The following SAMD3 variants were observed in gnomAD, a reference collection of about 807,000 sequenced individuals.
SAMD3 encodes the protein sterile alpha motif domain containing 3.
A neutral mutation model predicts 58.5 loss-of-function variants in SAMD3; 63 were observed. That is an observed-to-expected ratio of 1.08 (90% CI 0.88 to 1.33). The LOEUF (loss-of-function observed/expected upper bound fraction) is 1.33. Ranked by LOEUF, SAMD3 falls within the 40% of genes most tolerant of loss-of-function variation. The pLI, the probability that SAMD3 is intolerant of heterozygous loss-of-function variation, is 0.00. For missense variants in SAMD3, 604 were observed against 608.4 expected (o/e 0.99, Z 0.08); for synonymous variants, 220 against 210.3 (o/e 1.05, Z -0.40).
In SAMD3 at chr6:130,154,928, T is replaced by C. The variant is rs1328708489; in HGVS notation, c.920A>G (p.Lys307Arg). The C allele has an allele frequency of 1.9e-6, 3 of 1,613,616 alleles. No homozygotes were observed. The highest frequency in any genetic ancestry group is 2.5e-6 in the Non-Finnish European group (3 of 1,179,768). The stretch of plus-strand genomic sequence containing the variant: ...TATTTCCAAAGTTTGGCTCATTCTC[T>C]TGTCAATTTCTCTCCAGTCCTTTTC... ...KTEKDWREID[K>R]RMSQTLEIRR... Residue 307 changes from lysine to arginine, a missense_variant, in exon 9 of 12, where the codon AAG becomes AGG. Lys to Arg is a conservative substitution (Grantham distance 26). Coordinates refer to ENST00000439090, the MANE Select transcript of SAMD3 (RefSeq NM_001017373.4).
Position 130,184,431 on chromosome 6 carries a change from C to G in SAMD3, c.569+7G>C, listed in dbSNP as rs774007718. 6.1e-5 allele frequency: 98 copies of G among 1,612,158 alleles called. No homozygotes were observed. The highest frequency in any genetic ancestry group is 8.1e-5 in the Non-Finnish European group (95 of 1,178,912). On this transcript the variant is annotated splice_region_variant and intron_variant, in intron 6 of 11. Coordinates refer to ENST00000439090, the MANE Select transcript of SAMD3 (RefSeq NM_001017373.4). The stretch of plus-strand genomic sequence containing the variant: ...CAAAGCAGCAAGCTTGTCCTGTTGT[C>G]ACTCACAGTGAGCCTTCCAGATACT...
chr6:130,238,232 G>A (rs1295011221), intron 2 of SAMD3, among the ~76,000 whole-genome samples: 1 of 152,148 alleles, frequency 6.6e-6, no homozygotes, highest in East Asian at 1.9e-4. Flanking sequence ...ATAGTCTTAT[G>A]ACTGGGGATT....
chr6:130,213,004 C>T (rs913882203), intron 4 of SAMD3, among the ~76,000 whole-genome samples: 1 of 152,092 alleles, frequency 6.6e-6, no homozygotes, highest in Non-Finnish European at 1.5e-5. Context: ...GGTTAGGGGC[C>T]GGGCAAAGCA....
At chr6:130,176,263 A>G (rs1582799794) in intron 7 of SAMD3, 1 of 493,712 alleles carries the variant, frequency 2.0e-6, no homozygotes. Context: ...TCCCAATGTC[A>G]TATGGTTATT....
chr6:130,215,370 C>G, intron 2 of SAMD3, 76 bp from the exon 3 acceptor site: 1 of 1,271,310 alleles, frequency 7.9e-7, no homozygotes, highest in Non-Finnish European at 1.1e-6. Flanking sequence ...AACAGTCAGC[C>G]GCTTCCTTTG....
upstream of SAMD3, chr6:130,365,854 G>A (rs867535997): frequency 1.0e-6 from 1 of 985,668 alleles, no homozygotes. Flanking sequence ...TCCAGGAGGA[G>A]TGGGTGGCAG....
In SAMD3 at chr6:130,288,282, G is replaced by T. The variant is rs772606613; in HGVS notation, c.-188+24696C>A. 3.4e-4 allele frequency among the ~76,000 whole-genome samples: 52 copies of T among 152,196 alleles called. 1 individual carries two copies. The highest frequency in any genetic ancestry group is 3.4e-4 in the Non-Finnish European group (23 of 68,036). On this transcript the variant is annotated intron_variant, in intron 2 of 13. Transcript: ENST00000368134. ...CGTAGGGCAGGATGCCAGCAGGCTG[G>T]AAATTTTGGCAGGAGTCAATGTTGC...
chr6:130,195,918 A>T (rs1476048228), intron 5 of SAMD3, among the ~76,000 whole-genome samples: 1 of 152,178 alleles, frequency 6.6e-6, no homozygotes, highest in East Asian at 1.9e-4. Context: ...ACCATTATAT[A>T]AACTCACAAA....
At chr6:130,208,165 G>C (rs1014917121) in intron 5 of SAMD3, among the ~76,000 whole-genome samples, 5 of 152,262 alleles carry the variant, frequency 3.3e-5, no homozygotes, top group African/African-American at 1.2e-4. Flanking sequence ...AGCTGATAGT[G>C]TAAAGGGGTT....
chr6:130,300,520 T>G lies in SAMD3; in HGVS notation c.-188+12458A>C, dbSNP rs139308768. Among the ~76,000 whole-genome samples, 197 of 150,152 alleles carry G rather than the reference T, an allele frequency of 1.3e-3. 1 individual carries two copies. Among genetic ancestry groups the G allele is most frequent in the African/African-American group, 4.6e-3 (189 of 41,374 alleles). ...TTGCAAACCCACAGCTGACATGATA[T>G]TCAATGGGCAAAAGCTTGAAGCAAG... On this transcript the variant is annotated intron_variant, in intron 2 of 13. Transcript: ENST00000368134.
chr6:130,165,816 T>C (rs1206514892), intron 8 of SAMD3, among the ~76,000 whole-genome samples: 1 of 152,184 alleles, frequency 6.6e-6, no homozygotes. Context: ...TATGTTTACA[T>C]CCTGATGCTT....
chr6:130,245,840 G>A (rs913240286), intron 2 of SAMD3, among the ~76,000 whole-genome samples: 1 of 152,062 alleles, frequency 6.6e-6, no homozygotes, highest in South Asian at 2.1e-4. Context: ...ATGTTGTACT[G>A]CAACATTTTT....
chr6:130,232,805 A>G (rs1796583667), intron 2 of SAMD3, among the ~76,000 whole-genome samples: 1 of 152,340 alleles, frequency 6.6e-6, no homozygotes, highest in East Asian at 1.9e-4. Context: ...TACTAATGGT[A>G]TGGCATGAAA....
At chr6:130,185,302 T>C (rs1016041107) in intron 5 of SAMD3, among the ~76,000 whole-genome samples, 4 of 152,156 alleles carry the variant, frequency 2.6e-5, no homozygotes, top group African/African-American at 9.7e-5. Flanking sequence ...TAAAATTAAC[T>C]GAGCTATTCA....
intron 2 of SAMD3, among the ~76,000 whole-genome samples, chr6:130,288,539 C>T (rs974450095): frequency 2.0e-5 from 3 of 152,254 alleles, no homozygotes; most frequent in African/African-American, 4.8e-5. Flanking sequence ...GGTAACACAT[C>T]AAATTAATCA....
rs1249767746 is a variant in SAMD3, at chr6:130,216,542, GAATAGTGGA to G, written c.-22+20_-22+28del. 4 of 152,150 alleles carry G rather than the reference GAATAGTGGA, an allele frequency of 2.6e-5. No individual in the cohort carries two copies. The highest frequency in any genetic ancestry group is 5.9e-5 in the Non-Finnish European group (4 of 68,010). The allele number at this position is 152,150 out of a possible 1,614,324, so 9.4% of individuals were successfully genotyped here. On this transcript the variant is annotated intron_variant, in intron 2 of 11. Transcript: ENST00000439090. ...GTTACAATTACCAACATCATAGTTA[GAATAGTGGA>G]AAAGGGGAAACATGTTTACCTTGCA...
Position 130,353,117 on chromosome 6 carries a change from A to C in SAMD3, c.-304+12003T>G, listed in dbSNP as rs557673499. Among the ~76,000 whole-genome samples, 80 of 152,308 alleles carry C rather than the reference A, an allele frequency of 5.3e-4. 1 individual carries two copies. Among genetic ancestry groups the C allele is most frequent in the South Asian group, 2.1e-3 (10 of 4,830 alleles). On this transcript the variant is annotated intron_variant, in intron 1 of 13. Transcript: ENST00000368134. ...TAGAAAGGCCAGCACTCTGTTCTGC[A>C]TCTAGTCTTTCTTTCTGTTCCAGCT...
At chr6:130,220,147 G>A (rs571690872) in intron 1 of SAMD3, among the ~76,000 whole-genome samples, 5 of 152,154 alleles carry the variant, frequency 3.3e-5, no homozygotes, top group East Asian at 1.9e-4. Flanking sequence ...GATTACAGAC[G>A]CGTGCCACCA....
chr6:130,227,442 A>G (rs565611845), upstream of SAMD3, among the ~76,000 whole-genome samples: 776 of 152,262 alleles, frequency 5.1e-3, 5 homozygotes, highest in Non-Finnish European at 9.1e-3. Flanking sequence ...GGGGTGTGCA[A>G]ATAGCTGCTC....
Sources: gnomAD v4.1 joint callset for allele counts (sites outside exome capture counted in the v4.1 genomes callset) on GRCh38, gnomAD v4.1.1 for gene constraint, MANE v1.5 for transcripts, NCBI Gene and HGNC (gene_info 2026-07-23, HGNC 2026-07-21) for gene names.